Variants in TBL1XR1 observed in about 807,000 individuals in gnomAD.
TBL1XR1 encodes TBL1X/Y related 1.
Under a neutral mutation model 66.9 loss-of-function variants are expected in TBL1XR1, and 5 were observed. The observed-to-expected ratio is 0.07, with a 90% CI of 0.04 to 0.16. TBL1XR1 has a LOEUF of 0.16. Ranked by LOEUF, TBL1XR1 falls within the 10% of genes least tolerant of loss-of-function variation. The pLI is 1.00. For synonymous variants in TBL1XR1, 210 were observed against 206.0 expected (o/e 1.02, Z -0.17); for missense variants, 238 against 623.2 (o/e 0.38, Z 6.58).
intron 1 of TBL1XR1, among the ~76,000 whole-genome samples, chr3:177,141,216 G>A (rs1457133261): frequency 1.3e-5 from 2 of 152,070 alleles, no homozygotes; most frequent in Non-Finnish European, 2.9e-5. Context: ...GCTTGGGGAT[G>A]GGGGAAAAAG....
chr3:177,096,616 A>G (rs767076030), intron 2 of TBL1XR1, among the ~76,000 whole-genome samples: 7 of 152,204 alleles, frequency 4.6e-5, no homozygotes, highest in Non-Finnish European at 8.8e-5. Flanking sequence ...ACAACAAAGA[A>G]GAGTAACAGG....
At chr3:177,166,310 C>A (rs976040695) in intron 1 of TBL1XR1, among the ~76,000 whole-genome samples, 1 of 152,130 alleles carries the variant, frequency 6.6e-6, no homozygotes, top group Non-Finnish European at 1.5e-5. Context: ...GGGAAACATA[C>A]AACCCTATTT....
chr3:177,081,837 G>T (rs1249668501), intron 2 of TBL1XR1, among the ~76,000 whole-genome samples: 4 of 151,434 alleles, frequency 2.6e-5, no homozygotes, highest in Non-Finnish European at 5.9e-5. Context: ...TATAATTACA[G>T]TATTGTATAT....
intron 3 of TBL1XR1, among the ~76,000 whole-genome samples, 155 bp from the exon 4 acceptor site, chr3:177,054,073 T>TGTGTGTGTGTGC (rs145838308): frequency 6.4e-4 from 80 of 124,914 alleles, no homozygotes; most frequent in African/African-American, 2.1e-3. Flanking sequence ...TGTGTGTGTG[T>TGTGTGTGTGTGC]GCGCGCGCGT....
intron 2 of TBL1XR1, among the ~76,000 whole-genome samples, chr3:177,070,648 G>A (rs1013794119): frequency 6.6e-6 from 1 of 151,994 alleles, no homozygotes; most frequent in African/African-American, 2.4e-5. Context: ...CAGGAGTTCA[G>A]GGCCAGCCTG....
intron 1 of TBL1XR1, among the ~76,000 whole-genome samples, chr3:177,193,832 G>A (rs1736477060): frequency 6.6e-6 from 1 of 152,184 alleles, no homozygotes; most frequent in Admixed American, 6.5e-5. Flanking sequence ...GACAGACCCA[G>A]GTTTGAATCC....
At chr3:177,165,822 G>A (rs1037265785) in intron 1 of TBL1XR1, among the ~76,000 whole-genome samples, 7 of 152,144 alleles carry the variant, frequency 4.6e-5, no homozygotes, top group Admixed American at 1.3e-4. Flanking sequence ...ACAGAGCCAG[G>A]TTCAGTGGCT....
At chr3:177,047,815 T>C in intron 7 of TBL1XR1, 1 of 405,854 alleles carries the variant, frequency 2.5e-6, no homozygotes, top group African/African-American at 2.0e-5. Context: ...TCACCCCACC[T>C]CATGCATGCC....
At chr3:177,181,938 G>A (rs563941466) in intron 1 of TBL1XR1, among the ~76,000 whole-genome samples, 10 of 151,778 alleles carry the variant, frequency 6.6e-5, no homozygotes, top group African/African-American at 1.2e-4. Flanking sequence ...TAACTGCTAC[G>A]GTCAGGCCAA....
At chr3:177,047,156 T>C (rs116367511) in intron 9 of TBL1XR1, 144 bp downstream of exon 9, 33 of 631,468 alleles carry the variant, frequency 5.2e-5, no homozygotes, top group African/African-American at 3.9e-4. Context: ...AATGAGCTGA[T>C]AGACCTAAGG....
At chr3:177,066,111 G>A (rs759522449) in intron 2 of TBL1XR1, among the ~76,000 whole-genome samples, 1 of 152,028 alleles carries the variant, frequency 6.6e-6, no homozygotes, top group Non-Finnish European at 1.5e-5. Context: ...AACTATGCTG[G>A]TTGTCCTGCC....
At chr3:177,033,896 G>A (rs1476016072) in intron 13 of TBL1XR1, among the ~76,000 whole-genome samples, 1 of 152,116 alleles carries the variant, frequency 6.6e-6, no homozygotes, top group African/African-American at 2.4e-5. Flanking sequence ...AAAGGTATAA[G>A]AATGATATAA....
At chr3:177,026,165 T>C (rs1041344250) in intron 15 of TBL1XR1, 101 of 537,638 alleles carry the variant, frequency 1.9e-4, no homozygotes, top group Non-Finnish European at 3.0e-4. Context: ...TTCTAGATTA[T>C]AAGGTATTTG....
intron 1 of TBL1XR1, among the ~76,000 whole-genome samples, chr3:177,174,510 T>A (rs6443432): frequency 0.5 from 75,657 of 151,408 alleles, 19,742 homozygotes; most frequent in Non-Finnish European, 0.57. Context: ...CTTTTGTCCA[T>A]TAGCTATTCA....
At chr3:177,162,594 G>A (rs1433182273) in intron 1 of TBL1XR1, among the ~76,000 whole-genome samples, 2 of 152,102 alleles carry the variant, frequency 1.3e-5, no homozygotes, top group African/African-American at 2.4e-5. Context: ...TGGGTTACAT[G>A]GTCAGTTTTA....
chr3:177,131,255 A>G (rs1214653279), intron 1 of TBL1XR1: 1 of 738,862 alleles, frequency 1.4e-6, no homozygotes, highest in African/African-American at 1.9e-5. Context: ...GACACATAGC[A>G]ACACACACAA....
chr3:177,064,827 C>T (rs1389005258), intron 3 of TBL1XR1, 93 bp downstream of exon 3: 3 of 848,530 alleles, frequency 3.5e-6, no homozygotes, highest in Admixed American at 6.4e-5. Flanking sequence ...CAAAGTTCAA[C>T]GGTTTGGACT....
At chr3:177,147,264 G>T (rs1730365987) in intron 1 of TBL1XR1, among the ~76,000 whole-genome samples, 1 of 151,954 alleles carries the variant, frequency 6.6e-6, no homozygotes, top group African/African-American at 2.4e-5. Flanking sequence ...GCCCAGGCTG[G>T]TCTCAAACTC....
chr3:177,198,383 CTAAA>C (rs1192400243), upstream of TBL1XR1, among the ~76,000 whole-genome samples: 1 of 152,136 alleles, frequency 6.6e-6, no homozygotes, highest in Non-Finnish European at 1.5e-5. Context: ...AATAATGTAA[CTAAA>C]TGTTTACTAA....
Sources: allele counts gnomAD v4.1 joint callset (sites outside exome capture counted in the v4.1 genomes callset), GRCh38; gene constraint gnomAD v4.1.1; transcripts MANE v1.5; gene names NCBI Gene and HGNC (gene_info 2026-07-23, HGNC 2026-07-21).